Variants in ARL8B observed in about 807,000 individuals in gnomAD.
ARL8B encodes the protein ARF like GTPase 8B, also known as ADP-ribosylation factor-like protein 8B.
Under a neutral mutation model 30.6 loss-of-function variants are expected in ARL8B, and 9 were observed. That is an observed-to-expected ratio of 0.29 (90% CI 0.18 to 0.51). The LOEUF (loss-of-function observed/expected upper bound fraction) is 0.51. Among genes scored for constraint, ARL8B ranks in the 20% least tolerant of loss-of-function variants. The pLI is 0.97. For missense variants in ARL8B, 130 were observed against 227.2 expected (o/e 0.57, Z 2.75); for synonymous variants, 74 against 76.0 (o/e 0.97, Z 0.14).
intron 1 of ARL8B, among the ~76,000 whole-genome samples, chr3:5,154,337 C>CT (rs34406290): frequency 0.38 from 54,484 of 142,632 alleles, 11,483 homozygotes; most frequent in African/African-American, 0.6. Flanking sequence ...GGTAAAATAA[C>CT]TTTTTTTTTT....
chr3:5,147,766 C>A (rs932814178), intron 1 of ARL8B, among the ~76,000 whole-genome samples: 25 of 151,886 alleles, frequency 1.6e-4, no homozygotes, highest in Admixed American at 1.6e-3. Flanking sequence ...AATGTCAGGC[C>A]AGCTCTATGT....
chr3:5,127,707 A>T (rs1296911446), intron 1 of ARL8B, among the ~76,000 whole-genome samples: 1 of 152,018 alleles, frequency 6.6e-6, no homozygotes, highest in Non-Finnish European at 1.5e-5. Flanking sequence ...CCCCGTCTCT[A>T]CTAAAAATAC....
chr3:5,139,267 C>T (rs889212588), intron 1 of ARL8B, among the ~76,000 whole-genome samples: 7 of 152,152 alleles, frequency 4.6e-5, no homozygotes, highest in African/African-American at 1.7e-4. Flanking sequence ...CCATGGTTTG[C>T]TTCCTCCAGA....
intron 1 of ARL8B, among the ~76,000 whole-genome samples, chr3:5,133,886 G>A (rs552267299): frequency 6.6e-6 from 1 of 152,192 alleles, no homozygotes; most frequent in African/African-American, 2.4e-5. Context: ...AGTGAGCCAT[G>A]ATGGTGCCAC....
At chr3:5,157,398 C>A (rs1351158174) in intron 1 of ARL8B, among the ~76,000 whole-genome samples, 1 of 152,164 alleles carries the variant, frequency 6.6e-6, no homozygotes, top group Non-Finnish European at 1.5e-5. Flanking sequence ...GGTCCTGAGC[C>A]TGGAAAGCTT....
chr3:5,168,565 G>A (rs2054643486), intron 1 of ARL8B, among the ~76,000 whole-genome samples: 1 of 152,228 alleles, frequency 6.6e-6, no homozygotes. Context: ...GAGAAAGCTC[G>A]GGGGTACCCC....
At chr3:5,129,905 C>CTACAGCTCTAT (rs1418704087) in intron 1 of ARL8B, among the ~76,000 whole-genome samples, 1 of 152,110 alleles carries the variant, frequency 6.6e-6, no homozygotes, top group African/African-American at 2.4e-5. Context: ...GCTCTATCAC[C>CTACAGCTCTAT]CAGGCTGTAG....
chr3:5,136,396 G>C (rs1273843384), intron 1 of ARL8B, among the ~76,000 whole-genome samples: 1 of 152,164 alleles, frequency 6.6e-6, no homozygotes, highest in East Asian at 1.9e-4. Flanking sequence ...AAATAGATGA[G>C]TTATGAGGAA....
At chr3:5,173,554 G>A (rs986035770) in intron 4 of ARL8B, among the ~76,000 whole-genome samples, 1 of 152,100 alleles carries the variant, frequency 6.6e-6, no homozygotes, top group Non-Finnish European at 1.5e-5. Flanking sequence ...GGCTAACGCG[G>A]TGAAACCCCG....
chr3:5,172,757 T>TACTG lies in ARL8B; in HGVS notation c.372+17_372+18insACTG. On this transcript the variant is annotated intron_variant, in intron 4 of 6. Coordinates refer to ENST00000256496, the MANE Select transcript of ARL8B (RefSeq NM_018184.3). ...GGAATTCCAGTAAGTATGGAATACT[T>TACTG]GTTATTTTACATTGTAATTATATAA... The TACTG allele has an allele frequency of 1.4e-6, 2 of 1,412,242 alleles. No individual in the cohort carries two copies. The highest frequency in any genetic ancestry group is 2.0e-6 in the Non-Finnish European group (2 of 1,005,304). The allele number at this position is 1,412,242 out of a possible 1,614,324, so 87.5% of individuals were successfully genotyped here. A position where few individuals can be genotyped will look rare whatever the true frequency, so the allele number is the denominator to read the frequency against.
At chr3:5,146,157 T>C (rs961699575) in intron 1 of ARL8B, among the ~76,000 whole-genome samples, 5 of 152,166 alleles carry the variant, frequency 3.3e-5, no homozygotes, top group African/African-American at 1.2e-4. Context: ...TTCTCCCAGT[T>C]GTAGGATTTT....
intron 1 of ARL8B, among the ~76,000 whole-genome samples, chr3:5,129,577 G>C (rs2054263735): frequency 6.6e-6 from 1 of 152,110 alleles, no homozygotes; most frequent in Non-Finnish European, 1.5e-5. Flanking sequence ...TTCTTGCTCT[G>C]TTGCCCATGC....
rs1407898064 is a variant in ARL8B, at chr3:5,179,519, C to T, written c.*806C>T. On this transcript the variant is annotated 3_prime_UTR_variant, in exon 7 of 7. Transcript: ENST00000256496. ...AAGGGGTTGAGAATTGAAGATTTTC[C>T]AAAAGCGTTCATGAATTTAGAGCAT... 1 of 152,366 alleles carries T rather than the reference C, an allele frequency of 6.6e-6. No homozygotes were observed. Among genetic ancestry groups the T allele is most frequent in the Non-Finnish European group, 1.5e-5 (1 of 68,008 alleles). 9.4% of individuals were successfully genotyped at this position (152,366 alleles called of 1,614,324 possible).
intron 6 of ARL8B, among the ~76,000 whole-genome samples, chr3:5,176,020 G>A (rs1167129796): frequency 6.6e-6 from 1 of 152,066 alleles, no homozygotes. Context: ...AGCATAGTAT[G>A]GTTACAGAAT....
intron 1 of ARL8B, among the ~76,000 whole-genome samples, chr3:5,135,323 C>T (rs2054315104): frequency 1.5e-5 from 2 of 137,228 alleles, no homozygotes; most frequent in Non-Finnish European, 3.1e-5. Context: ...CAGTCTCATT[C>T]TGTTGCCCAG....
intron 1 of ARL8B, among the ~76,000 whole-genome samples, chr3:5,134,248 A>G (rs1380276058): frequency 6.6e-6 from 1 of 152,172 alleles, no homozygotes; most frequent in East Asian, 1.9e-4. Context: ...GGACACAAGG[A>G]CTAGGCAGAA....
intron 6 of ARL8B, among the ~76,000 whole-genome samples, chr3:5,175,729 C>T (rs904051787): frequency 5.3e-5 from 8 of 152,210 alleles, no homozygotes; most frequent in East Asian, 1.9e-4. Flanking sequence ...CCCTCCTTGC[C>T]TCTCTCTAGC....
chr3:5,172,601 C>T (rs772144994), intron 3 of ARL8B, 46 bp from the exon 4 acceptor site: 6 of 1,245,244 alleles, frequency 4.8e-6, no homozygotes, highest in Middle Eastern at 1.9e-4. Context: ...TTGTCATCAT[C>T]AAGGCATACA....
rs900923174 is a variant in ARL8B, at chr3:5,125,626, G to A, written c.123+3038G>A. Among the ~76,000 whole-genome samples, 7 of 151,612 alleles carry A rather than the reference G, an allele frequency of 4.6e-5. No homozygotes were observed. In the East Asian group the frequency reaches 9.7e-4, roughly 21 times the overall value. On this transcript the variant is annotated intron_variant, in intron 1 of 6. Coordinates refer to ENST00000256496, the MANE Select transcript of ARL8B (RefSeq NM_018184.3). Reference sequence around the variant, plus strand: ...TGGCTCACTGCAACCTCTGCCTCCTGGGTTCAAGCTATTCTCGTGCCTCAG... The same window carrying A: ...TGGCTCACTGCAACCTCTGCCTCCTAGGTTCAAGCTATTCTCGTGCCTCAG...
Sources: allele counts gnomAD v4.1 joint callset (sites outside exome capture counted in the v4.1 genomes callset), GRCh38; gene constraint gnomAD v4.1.1; transcripts MANE v1.5; gene names NCBI Gene and HGNC (gene_info 2026-07-23, HGNC 2026-07-21).